The following OLFM2 variants were observed in gnomAD, a reference collection of about 807,000 sequenced individuals.
The protein encoded by OLFM2 is olfactomedin 2.
In OLFM2, 20 loss-of-function variants were observed where a neutral mutation model predicts 43.9. The observed-to-expected ratio is 0.46, with a 90% CI of 0.32 to 0.66. The LOEUF (loss-of-function observed/expected upper bound fraction) is 0.66. Ranked by LOEUF, OLFM2 falls within the 30% of genes least tolerant of loss-of-function variation. The pLI, the probability that OLFM2 is intolerant of heterozygous loss-of-function variation, is 0.04. For synonymous variants in OLFM2, 268 were observed against 278.6 expected, an observed-to-expected ratio of 0.96 and a Z score of 0.38; for missense variants, 416 against 643.6, an observed-to-expected ratio of 0.65 and a Z score of 3.83.
intron 1 of OLFM2, among the ~76,000 whole-genome samples, chr19:9,882,029 A>G (rs1029834573): frequency 4.5e-4 from 68 of 151,908 alleles, no homozygotes; most frequent in African/African-American, 1.6e-3. Flanking sequence ...GAGCCCAGGC[A>G]ATTACTTGAG....
At chr19:9,876,373 G>A (rs2046488129) in intron 1 of OLFM2, among the ~76,000 whole-genome samples, 1 of 152,104 alleles carries the variant, frequency 6.6e-6, no homozygotes, top group African/African-American at 2.4e-5. Flanking sequence ...TGTTTGCTGC[G>A]AGTCCCCCAG....
chr19:9,921,753 A>G (rs904740824), intron 1 of OLFM2, among the ~76,000 whole-genome samples: 7 of 151,826 alleles, frequency 4.6e-5, no homozygotes, highest in African/African-American at 1.7e-4. Context: ...CCAAAATGCT[A>G]GGATTACAGG....
intron 1 of OLFM2, among the ~76,000 whole-genome samples, chr19:9,863,431 A>G (rs1307851832): frequency 6.6e-6 from 1 of 151,996 alleles, no homozygotes; most frequent in Non-Finnish European, 1.5e-5. Context: ...GAGGGAGGCC[A>G]GGGCAGGGGT....
At position 9,857,640 on chromosome 19, in the gene OLFM2, C is replaced by T; in HGVS notation, c.360+75G>A. ...GACCCTAGATTCTTCCCAGACATGA[C>T]TCCATTGTAGGAACTAATGGATACC... On this transcript the variant is annotated intron_variant, in intron 3 of 5. Coordinates refer to ENST00000264833, the MANE Select transcript of OLFM2 (RefSeq NM_058164.4). The surrounding 1 kb of genome is among the most constrained non-coding windows in gnomAD (Gnocchi z 5.7). The T allele has an allele frequency of 1.3e-6, 2 of 1,593,394 alleles. No homozygotes were observed. Among genetic ancestry groups the T allele is most frequent in the Non-Finnish European group, 1.7e-6 (2 of 1,161,756 alleles).
intron 1 of OLFM2, among the ~76,000 whole-genome samples, chr19:9,905,335 T>A (rs982051505): frequency 7.2e-5 from 11 of 152,036 alleles, no homozygotes; most frequent in Non-Finnish European, 1.3e-4. Context: ...TGGGCGCCTG[T>A]GGTCCCAGCT....
At chr19:9,924,322 C>T (rs376459375) in intron 1 of OLFM2, among the ~76,000 whole-genome samples, 4 of 137,990 alleles carry the variant, frequency 2.9e-5, no homozygotes, top group East Asian at 2.2e-4. Context: ...AGGAGAATGG[C>T]GTGAACCCGG....
chr19:9,860,534 A>T (rs895668994), intron 2 of OLFM2, 111 bp downstream of exon 2: 22 of 1,232,814 alleles, frequency 1.8e-5, no homozygotes, highest in Non-Finnish European at 2.5e-5. Flanking sequence ...CCAGCTCTGA[A>T]TAATTTGCAT....
chr19:9,913,033 G>A (rs1235738196), intron 1 of OLFM2, among the ~76,000 whole-genome samples: 1 of 151,468 alleles, frequency 6.6e-6, no homozygotes, highest in Non-Finnish European at 1.5e-5. Context: ...CCTTGAAGGT[G>A]GAGACACTCG....
intron 1 of OLFM2, among the ~76,000 whole-genome samples, chr19:9,870,894 C>T (rs1345766703): frequency 1.3e-5 from 2 of 151,808 alleles, no homozygotes; most frequent in Non-Finnish European, 1.5e-5. Context: ...AATAAATAGC[C>T]GGGTGTGGTG....
At chr19:9,877,786 G>C (rs1301969800) in intron 1 of OLFM2, among the ~76,000 whole-genome samples, 1 of 151,990 alleles carries the variant, frequency 6.6e-6, no homozygotes, top group East Asian at 1.9e-4. Flanking sequence ...CCAGAGGCTG[G>C]TGCTATGCCC....
Position 9,857,936 on chromosome 19 carries a change from T to C in OLFM2, c.214-75A>G. 1 of 1,593,706 alleles carries C rather than the reference T, an allele frequency of 6.3e-7. No homozygotes were observed. The highest frequency in any genetic ancestry group is 2.2e-5 in the East Asian group (1 of 44,706). On this transcript the variant is annotated intron_variant, in intron 2 of 5. Coordinates refer to ENST00000264833, the MANE Select transcript of OLFM2 (RefSeq NM_058164.4). This position sits in a 1 kb window ranked among gnomAD's most constrained non-coding sequence, Gnocchi z 5.7. ...ACCCAGAGATGCCACAGACAAGAGC[T>C]GGCAGGAACAGAGGCTGTACAAACA...
At chr19:9,878,120 G>GATTACAGGCGTGAGCC (rs1323585084) in intron 1 of OLFM2, among the ~76,000 whole-genome samples, 1 of 152,134 alleles carries the variant, frequency 6.6e-6, no homozygotes, top group Non-Finnish European at 1.5e-5. Flanking sequence ...TAGGTGCTCG[G>GATTACAGGCGTGAGCC]ATTACAGGCG....
At chr19:9,931,787 T>C (rs2086484278) in intron 1 of OLFM2, among the ~76,000 whole-genome samples, 3 of 151,944 alleles carry the variant, frequency 2.0e-5, no homozygotes, top group Admixed American at 2.0e-4. Context: ...CAGGCTGGTC[T>C]CAAATTCCTG....
intron 1 of OLFM2, among the ~76,000 whole-genome samples, chr19:9,917,150 C>T (rs10405151): frequency 0.062 from 9,391 of 152,018 alleles, 877 homozygotes; most frequent in African/African-American, 0.2. Flanking sequence ...ATCAAGGATG[C>T]CCCCCATGGC....
At chr19:9,918,532 A>G (rs1366467666) in intron 1 of OLFM2, among the ~76,000 whole-genome samples, 1 of 152,184 alleles carries the variant, frequency 6.6e-6, no homozygotes, top group Non-Finnish European at 1.5e-5. Flanking sequence ...CATCTACCCA[A>G]GAGAAACCAA....
At chr19:9,897,824 C>T (rs575033623) in intron 1 of OLFM2, among the ~76,000 whole-genome samples, 3 of 152,070 alleles carry the variant, frequency 2.0e-5, no homozygotes, top group African/African-American at 4.8e-5. Context: ...GAAGGGGGTT[C>T]GGATCATTGT....
intron 1 of OLFM2, among the ~76,000 whole-genome samples, chr19:9,911,641 T>C (rs2046828365): frequency 6.6e-6 from 1 of 152,142 alleles, no homozygotes; most frequent in African/African-American, 2.4e-5. Context: ...CACACAAAGA[T>C]ACTTGCACAC....
chr19:9,917,387 T>G (rs1189839166), intron 1 of OLFM2, among the ~76,000 whole-genome samples: 1 of 91,116 alleles, frequency 1.1e-5, no homozygotes. Flanking sequence ...GTCAGAGCCA[T>G]GCCCTGCCCT....
In OLFM2 at chr19:9,866,561, A is replaced by G. The variant is rs551966679; in HGVS notation, c.64-5767T>C. ...GTTGCCTAGGCTGGAGTGCAGTGGC[A>G]TGATCTAGGCTCACTGCAGCCTCAA... On this transcript the variant is annotated intron_variant, in intron 1 of 5. Transcript: ENST00000264833. 1.5e-4 allele frequency among the ~76,000 whole-genome samples: 22 copies of G among 142,128 alleles called. No homozygotes were observed. The South Asian group carries it at 3.6e-3, about 23-fold the overall frequency. 93.2% of individuals were successfully genotyped at this position (142,128 alleles called of 152,430 possible). A position where few individuals can be genotyped will look rare whatever the true frequency, so the allele number is the denominator to read the frequency against.
Sources: allele counts gnomAD v4.1 joint callset (sites outside exome capture counted in the v4.1 genomes callset), GRCh38; gene constraint gnomAD v4.1.1; non-coding constraint Gnocchi (gnomAD v3.1); transcripts MANE v1.5; gene names NCBI Gene and HGNC (gene_info 2026-07-23, HGNC 2026-07-21).